Variants in HOMER1 observed in about 807,000 individuals in gnomAD.
The protein encoded by HOMER1 is homer protein homolog 1.
A neutral mutation model predicts 48.9 loss-of-function variants in HOMER1; 3 were observed. That is an observed-to-expected ratio of 0.06 (90% confidence interval 0.03 to 0.16). HOMER1 has a LOEUF of 0.16. Ranked by LOEUF, HOMER1 falls within the 10% of genes least tolerant of loss-of-function variation. The probability of loss-of-function intolerance (pLI) is 1.00; values close to 1 mark genes in which losing one functional copy is unlikely to be tolerated. For synonymous variants in HOMER1, 134 were observed against 146.4 expected (o/e 0.92, Z 0.61); for missense variants, 247 against 411.4 (o/e 0.60, Z 3.46).
intron 5 of HOMER1, among the ~76,000 whole-genome samples, chr5:79,424,255 A>C (rs1309644206): frequency 2.0e-5 from 3 of 152,062 alleles, no homozygotes; most frequent in Non-Finnish European, 2.9e-5. Context: ...TAAATATTTT[A>C]ATCAAAAAAT....
chr5:79,477,810 A>C (rs771388044), intron 1 of HOMER1, among the ~76,000 whole-genome samples: 2 of 152,160 alleles, frequency 1.3e-5, no homozygotes, highest in African/African-American at 2.4e-5. Flanking sequence ...GATAAATTCT[A>C]AATCTAAGTT....
At chr5:79,403,767 T>C (rs1452652554) in intron 5 of HOMER1, among the ~76,000 whole-genome samples, 1 of 152,218 alleles carries the variant, frequency 6.6e-6, no homozygotes, top group Non-Finnish European at 1.5e-5. Context: ...CTGTGTGAAG[T>C]GTATACGGGC....
intron 3 of HOMER1, among the ~76,000 whole-genome samples, chr5:79,448,776 G>A (rs1447056024): frequency 1.3e-5 from 2 of 152,052 alleles, no homozygotes; most frequent in Admixed American, 6.6e-5. Context: ...AATAAATTAT[G>A]ATTTTGTCAG....
Position 79,396,871 on chromosome 5 carries a change from A to C in HOMER1, c.828T>G (p.Asn276Lys). The C allele has an allele frequency of 6.2e-7, 1 of 1,602,856 alleles. No homozygotes were observed. The highest frequency in any genetic ancestry group is 1.7e-5 in the Admixed American group (1 of 59,736). ...EIERLKQEIDNARELQEQRDS... is the reference protein window; with the variant it reads ...EIERLKQEIDKARELQEQRDS... ...CCCTCTGTTCTTGTAGTTCTCTGGCATTATCAATTTCTTGTTTTAACCTTT... is the reference window on the plus strand; with the variant it reads ...CCCTCTGTTCTTGTAGTTCTCTGGCCTTATCAATTTCTTGTTTTAACCTTT... The change falls in exon 8 of 9, where the codon AAT becomes AAG. Residue 276 changes from asparagine (N) to lysine (K), a missense_variant. By Grantham distance (94) the Asn-to-Lys change is moderately conservative (BLOSUM62 0). This residue lies in a region of HOMER1 where 113 missense variants were observed against 152.5 expected (regional missense o/e 0.74). Coordinates refer to ENST00000334082, the MANE Select transcript of HOMER1 (RefSeq NM_004272.5).
chr5:79,384,337 T>C (rs1446144293), intron 8 of HOMER1, among the ~76,000 whole-genome samples: 1 of 152,038 alleles, frequency 6.6e-6, no homozygotes, highest in Admixed American at 6.5e-5. Flanking sequence ...CGACTCACAC[T>C]ACAGAAATAC....
chr5:79,440,071 T>C (rs182224656), intron 4 of HOMER1, among the ~76,000 whole-genome samples: 5 of 152,192 alleles, frequency 3.3e-5, no homozygotes, highest in Admixed American at 3.3e-4. Flanking sequence ...TATCTGTCTA[T>C]ATTTGGGAGA....
chr5:79,480,167 G>A (rs988052347), intron 1 of HOMER1, among the ~76,000 whole-genome samples: 1 of 151,556 alleles, frequency 6.6e-6, no homozygotes. Context: ...AGAAACAAAA[G>A]GAAAAATTAA....
chr5:79,490,350 TAA>T (rs1752233818), intron 1 of HOMER1, among the ~76,000 whole-genome samples: 1 of 152,194 alleles, frequency 6.6e-6, no homozygotes, highest in South Asian at 2.1e-4. Context: ...TACCTGACCT[TAA>T]AGTTTCCCAT....
intron 5 of HOMER1, among the ~76,000 whole-genome samples, chr5:79,411,088 C>G (rs142481888): frequency 9.9e-5 from 15 of 152,186 alleles, no homozygotes; most frequent in African/African-American, 3.4e-4. Flanking sequence ...AATGGACCAG[C>G]TGGTTTCCTG....
At chr5:79,441,968 G>T (rs78157093) in intron 4 of HOMER1, among the ~76,000 whole-genome samples, 7,494 of 147,596 alleles carry the variant, frequency 0.051, 246 homozygotes, top group African/African-American at 0.076. Context: ...TCTTTTTTGG[G>T]GTGTGTGTGT....
Position 79,435,898 on chromosome 5 carries a change from G to A in HOMER1, c.527+3112C>T, listed in dbSNP as rs1217806131. 1.1e-3 allele frequency among the ~76,000 whole-genome samples: 162 copies of A among 149,588 alleles called. 2 individuals are homozygous for A. Among genetic ancestry groups the A allele is most frequent in the African/African-American group, 3.9e-3 (159 of 40,632 alleles). On this transcript the variant is annotated intron_variant, in intron 5 of 8. Coordinates refer to ENST00000334082, the MANE Select transcript of HOMER1 (RefSeq NM_004272.5). ...TCCCAGCACTTTGGGAGGCCGAGGC[G>A]GGTGGATCATGAGGTCGGGAGATCG... is the stretch of plus-strand genomic sequence containing the variant.
chr5:79,443,287 C>A (rs1029717503), intron 4 of HOMER1, among the ~76,000 whole-genome samples: 1 of 152,258 alleles, frequency 6.6e-6, no homozygotes, highest in South Asian at 2.1e-4. Context: ...ATACTCACAA[C>A]TGAATTAGGC....
intron 5 of HOMER1, among the ~76,000 whole-genome samples, chr5:79,403,135 TG>T (rs1179247170): frequency 4.6e-5 from 7 of 152,204 alleles, no homozygotes; most frequent in Non-Finnish European, 1.0e-4. Flanking sequence ...AACTTTCCAA[TG>T]AAGAATTGCC....
intron 5 of HOMER1, among the ~76,000 whole-genome samples, chr5:79,432,106 T>C (rs534944225): frequency 1.3e-5 from 2 of 152,360 alleles, no homozygotes; most frequent in African/African-American, 4.8e-5. Flanking sequence ...ATTTTGTGGC[T>C]TGCCTGGCCT....
At chr5:79,454,484 A>G (rs1751110865) in intron 2 of HOMER1, among the ~76,000 whole-genome samples, 1 of 152,090 alleles carries the variant, frequency 6.6e-6, no homozygotes, top group Non-Finnish European at 1.5e-5. Context: ...GTCTCAGGTT[A>G]TAATATCTAG....
chr5:79,466,123 G>C (rs1751457949), intron 1 of HOMER1, among the ~76,000 whole-genome samples: 1 of 152,024 alleles, frequency 6.6e-6, no homozygotes, highest in African/African-American at 2.4e-5. Context: ...TAACTGCCAA[G>C]TGACTTTGTC....
rs1748717996 is a variant in HOMER1 at position 79,374,764 on chromosome 5, TAA to T, written c.*1243_*1244del. Reference sequence around the variant, plus strand: ...ATCATATAAAGAAATGCATGTTTGCTAAAAGTCTTTTAAAATTACATCAAAAC... The same window carrying T: ...ATCATATAAAGAAATGCATGTTTGCTAAGTCTTTTAAAATTACATCAAAAC... On this transcript the variant is annotated 3_prime_UTR_variant, in exon 9 of 9. Transcript: ENST00000334082. 1.3e-5 allele frequency: 2 copies of T among 152,216 alleles called. No individual in the cohort carries two copies. Among genetic ancestry groups the T allele is most frequent in the African/African-American group, 4.8e-5 (2 of 41,580 alleles). 9.4% of individuals were successfully genotyped at this position (152,216 alleles called of 1,614,324 possible).
At position 79,438,932 on chromosome 5, in the gene HOMER1, A is replaced by AAC; in HGVS notation, c.527+76_527+77dup. 3 of 1,277,116 alleles carry AAC rather than the reference A, an allele frequency of 2.3e-6. No homozygotes were observed. The East Asian group carries it at 7.2e-5, about 31-fold the overall frequency. 79.1% of individuals were successfully genotyped at this position (1,277,116 alleles called of 1,614,324 possible). On this transcript the variant is annotated intron_variant, in intron 5 of 8. Transcript: ENST00000334082. ...CCTGGAGTTTTCACTCAAAGCTTGT[A>AAC]ACTACAAGGGTTCCTGAAACCAAAC... is the stretch of plus-strand genomic sequence containing the variant.
intron 5 of HOMER1, among the ~76,000 whole-genome samples, chr5:79,414,323 G>T (rs1326044306): frequency 6.6e-6 from 1 of 151,372 alleles, no homozygotes; most frequent in Non-Finnish European, 1.5e-5. Flanking sequence ...TCAAACTCCT[G>T]GACTCAAGCG....
Sources: allele counts gnomAD v4.1 joint callset (sites outside exome capture counted in the v4.1 genomes callset), GRCh38; gene constraint gnomAD v4.1.1; regional missense constraint gnomAD v4.1.1; transcripts MANE v1.5; gene names NCBI Gene and HGNC (gene_info 2026-07-23, HGNC 2026-07-21).